The following MARCHF1 variants were observed in gnomAD, a reference collection of about 807,000 sequenced individuals.
MARCHF1 encodes E3 ubiquitin-protein ligase MARCHF1.
A neutral mutation model predicts 54.2 loss-of-function variants in MARCHF1; 40 were observed. The observed-to-expected ratio is 0.74, with a 90% CI of 0.57 to 0.96. The LOEUF (loss-of-function observed/expected upper bound fraction) is 0.96. Among genes scored for constraint, MARCHF1 ranks in the 40% least tolerant of loss-of-function variants. The pLI, the probability that MARCHF1 is intolerant of heterozygous loss-of-function variation, is 0.00. For synonymous variants in MARCHF1, 236 were observed against 236.3 expected (o/e 1.00, Z 0.01); for missense variants, 586 against 656.5 (o/e 0.89, Z 1.17).
At chr4:164,298,060 GA>G (rs201839715) in intron 1 of MARCHF1, among the ~76,000 whole-genome samples, 21 of 151,064 alleles carry the variant, frequency 1.4e-4, no homozygotes, top group Admixed American at 1.2e-3. Context: ...CAGGGTGAAA[GA>G]AAAAAAACAA....
intron 3 of MARCHF1, among the ~76,000 whole-genome samples, chr4:163,937,391 T>C (rs1751821094): frequency 6.6e-6 from 1 of 152,062 alleles, no homozygotes. Context: ...TTATTATCAA[T>C]GTCATATGTC....
chr4:164,227,572 T>C (rs1456361533), intron 1 of MARCHF1, among the ~76,000 whole-genome samples: 1 of 152,148 alleles, frequency 6.6e-6, no homozygotes, highest in East Asian at 1.9e-4. Flanking sequence ...ACAAATATCT[T>C]GAAACTAGCC....
intron 4 of MARCHF1, among the ~76,000 whole-genome samples, chr4:163,824,702 C>T (rs368062988): frequency 0.012 from 976 of 84,158 alleles, 30 homozygotes; most frequent in African/African-American, 0.034. Context: ...AGTGAACAGG[C>T]AACCTACAAA....
chr4:163,972,539 TTTTTG>T (rs1160616610), intron 3 of MARCHF1, among the ~76,000 whole-genome samples: 2 of 151,974 alleles, frequency 1.3e-5, no homozygotes, highest in Non-Finnish European at 2.9e-5. Context: ...AATGTATATG[TTTTTG>T]TTTTGTTTTG....
chr4:163,990,827 T>C (rs921948600), intron 2 of MARCHF1, among the ~76,000 whole-genome samples: 1 of 152,136 alleles, frequency 6.6e-6, no homozygotes, highest in Non-Finnish European at 1.5e-5. Flanking sequence ...AAAAGTAATA[T>C]TGTCAGTGTT....
At chr4:164,179,510 G>A (rs112010543) in intron 1 of MARCHF1, among the ~76,000 whole-genome samples, 1,890 of 152,080 alleles carry the variant, frequency 0.012, 41 homozygotes, top group East Asian at 0.094. Flanking sequence ...CTCCTAAAGC[G>A]GTACAGAAAC....
At chr4:163,710,231 A>G (rs1185204170) in intron 4 of MARCHF1, among the ~76,000 whole-genome samples, 4 of 152,148 alleles carry the variant, frequency 2.6e-5, no homozygotes, top group Non-Finnish European at 5.9e-5. Context: ...GTGACCATTC[A>G]AAGACTATCC....
intron 5 of MARCHF1, among the ~76,000 whole-genome samples, chr4:163,663,731 T>C (rs1305724148): frequency 2.0e-5 from 3 of 152,110 alleles, no homozygotes; most frequent in Admixed American, 2.0e-4. Context: ...TGTCTGAAAC[T>C]TTCTGATTTC....
At chr4:163,615,096 GCAGATGCAGAGAC>G (rs1478892306) in intron 5 of MARCHF1, among the ~76,000 whole-genome samples, 1 of 152,058 alleles carries the variant, frequency 6.6e-6, no homozygotes, top group Non-Finnish European at 1.5e-5. Context: ...CCAGGGAAAT[GCAGATGCAGAGAC>G]TACTGGATCC....
At chr4:164,074,690 T>G (rs1304929821) in intron 2 of MARCHF1, among the ~76,000 whole-genome samples, 1 of 152,096 alleles carries the variant, frequency 6.6e-6, no homozygotes, top group Non-Finnish European at 1.5e-5. Context: ...TTCTCTGTTA[T>G]GTTTTGAAAA....
At chr4:164,132,596 C>T (rs1330378467) in intron 1 of MARCHF1, among the ~76,000 whole-genome samples, 1 of 152,076 alleles carries the variant, frequency 6.6e-6, no homozygotes, top group Non-Finnish European at 1.5e-5. Flanking sequence ...GCACATTTTT[C>T]CCCCTGCAAT....
At chr4:163,841,661 G>A (rs1452410703) in intron 4 of MARCHF1, among the ~76,000 whole-genome samples, 1 of 151,998 alleles carries the variant, frequency 6.6e-6, no homozygotes, top group Non-Finnish European at 1.5e-5. Context: ...AATTTCCATA[G>A]GTGAAATTAT....
intron 3 of MARCHF1, among the ~76,000 whole-genome samples, chr4:163,901,377 C>T (rs1750937253): frequency 1.3e-5 from 2 of 152,144 alleles, no homozygotes; most frequent in African/African-American, 4.8e-5. Flanking sequence ...AACCTAATGG[C>T]AAACTTTTCA....
At chr4:164,237,222 C>T (rs1732587377) in intron 1 of MARCHF1, among the ~76,000 whole-genome samples, 1 of 152,134 alleles carries the variant, frequency 6.6e-6, no homozygotes, top group South Asian at 2.1e-4. Context: ...AAAAATCTGG[C>T]TATTACATAG....
rs748702867 is a variant in MARCHF1 at position 163,528,766 on chromosome 4, AG to A, written c.1619del (p.Pro540LeufsTer21). 6.2e-7 allele frequency: 1 copy of A among 1,611,328 alleles called. No homozygotes were observed. Among genetic ancestry groups the A allele is most frequent in the Non-Finnish European group, 8.5e-7 (1 of 1,178,210 alleles). ...NSLPSAEGGP[P>X]EVVSV is the part of the protein sequence containing the mutation. ...GGTTCCATCAGACTGATACAACTTC[AG>A]GGGGGCCACCCTCTGCAGATGGCAG... is the stretch of plus-strand genomic sequence containing the variant. On this transcript the variant is annotated frameshift_variant, in exon 10 of 10. Coordinates refer to ENST00000514618, the MANE Select transcript of MARCHF1 (RefSeq NM_001394959.1). LOFTEE classifies it high-confidence loss of function.
chr4:163,549,357 A>G (rs188017846), intron 8 of MARCHF1, among the ~76,000 whole-genome samples: 1 of 151,926 alleles, frequency 6.6e-6, no homozygotes, highest in Non-Finnish European at 1.5e-5. Context: ...AGAAGACGTT[A>G]TCTCTCCAAG....
intron 1 of MARCHF1, among the ~76,000 whole-genome samples, chr4:164,278,627 A>G (rs889157972): frequency 2.0e-5 from 3 of 152,028 alleles, no homozygotes; most frequent in African/African-American, 7.2e-5. Flanking sequence ...TCCAACAGCA[A>G]CTCCTTAGTG....
intron 4 of MARCHF1, among the ~76,000 whole-genome samples, chr4:163,762,653 A>C (rs1746860480): frequency 6.6e-6 from 1 of 152,118 alleles, no homozygotes; most frequent in Admixed American, 6.6e-5. Context: ...TAATGACTTA[A>C]AATTATACAA....
intron 4 of MARCHF1, among the ~76,000 whole-genome samples, chr4:163,715,859 A>T (rs1042819262): frequency 6.6e-6 from 1 of 152,206 alleles, no homozygotes; most frequent in Non-Finnish European, 1.5e-5. Context: ...TGAATTTTCA[A>T]ACAACACTCC....
Sources: gnomAD v4.1 joint callset for allele counts (sites outside exome capture counted in the v4.1 genomes callset) on GRCh38, gnomAD v4.1.1 for gene constraint, MANE v1.5 for transcripts, NCBI Gene and HGNC (gene_info 2026-07-23, HGNC 2026-07-21) for gene names.